The following LMO1 variants were observed in gnomAD, a reference collection of about 807,000 sequenced individuals.
The protein encoded by LMO1 is rhombotin-1.
In LMO1, 10 loss-of-function variants were observed where a neutral mutation model predicts 18.0. That is an observed-to-expected ratio of 0.55 (90% CI 0.34 to 0.94). LMO1 has a LOEUF of 0.94. Ranked by LOEUF, LMO1 falls within the 40% of genes least tolerant of loss-of-function variation. The pLI is 0.02. For missense variants in LMO1, 183 were observed against 205.7 expected, an observed-to-expected ratio of 0.89 and a Z score of 0.68; for synonymous variants, 77 against 77.9, an observed-to-expected ratio of 0.99 and a Z score of 0.06.
intron 1 of LMO1, among the ~76,000 whole-genome samples, chr11:8,235,956 T>C (rs183767465): frequency 6.6e-6 from 1 of 152,286 alleles, no homozygotes; most frequent in East Asian, 1.9e-4. Context: ...AACGAACTGA[T>C]TTGATTGTTC....
chr11:8,224,338 G>C lies in LMO1; in HGVS notation c.*278C>G. 1 of 447,590 alleles carries C rather than the reference G, an allele frequency of 2.2e-6. No individual in the cohort carries two copies. The highest frequency in any genetic ancestry group is 5.9e-4 in the Middle Eastern group (1 of 1,698). The allele number at this position is 447,590 out of a possible 1,614,324, so 27.7% of individuals were successfully genotyped here. The stretch of plus-strand genomic sequence containing the variant: ...GGAAACATTCATAAGTTTAATCCAC[G>C]CCAGTAATAAAATCGCATTACATTT... On this transcript the variant is annotated 3_prime_UTR_variant, in exon 4 of 4. Coordinates refer to ENST00000335790, the MANE Select transcript of LMO1 (RefSeq NM_002315.3).
At position 8,263,720 on chromosome 11, in the gene LMO1, C is replaced by T; in HGVS notation, c.-358G>A. ...AGTATAATCTGTCTTAATGTAATTG[C>T]ATTTGATAGCTCATAACCCTGTCTC... is the stretch of plus-strand genomic sequence containing the variant. On this transcript the variant is annotated 5_prime_UTR_variant, in exon 1 of 4. An upstream start codon of the reference 5' UTR is lost. Transcript: ENST00000335790. The T allele has an allele frequency of 1.8e-6, 2 of 1,132,684 alleles. No homozygotes were observed. The highest frequency in any genetic ancestry group is 8.8e-5 in the East Asian group (2 of 22,712). The allele number at this position is 1,132,684 out of a possible 1,614,324, so 70.2% of individuals were successfully genotyped here. A position where few individuals can be genotyped will look rare whatever the true frequency, so the allele number is the denominator to read the frequency against.
At chr11:8,246,827 C>T (rs985973222) in intron 1 of LMO1, among the ~76,000 whole-genome samples, 2 of 152,066 alleles carry the variant, frequency 1.3e-5, no homozygotes, top group Non-Finnish European at 2.9e-5. Context: ...CAGCTAGAAG[C>T]TGCCAGGTGG....
At chr11:8,238,542 G>C (rs554055462) in intron 1 of LMO1, among the ~76,000 whole-genome samples, 2 of 152,110 alleles carry the variant, frequency 1.3e-5, no homozygotes, top group South Asian at 2.1e-4. Flanking sequence ...GTGGTGGCGG[G>C]TGCCTGTAAT....
In LMO1 at chr11:8,243,310, G is replaced by A. The variant is rs143763366; in HGVS notation, c.26-12806C>T. On this transcript the variant is annotated intron_variant, in intron 1 of 3. Transcript: ENST00000335790. ...CCCCCCGCATGGCTGAGGAGGTTCA[G>A]GGAGCATCCGTAGATGAAGCTGTTT... is the stretch of plus-strand genomic sequence containing the variant. Among the ~76,000 whole-genome samples the A allele has an allele frequency of 8.5e-3, 1,288 of 152,340 alleles. 6 individuals carry two copies. The highest frequency in any genetic ancestry group is 0.027 in the Middle Eastern group (8 of 294).
At chr11:8,257,498 C>T (rs753463362) in intron 1 of LMO1, among the ~76,000 whole-genome samples, 3 of 152,212 alleles carry the variant, frequency 2.0e-5, no homozygotes, top group Non-Finnish European at 4.4e-5. Context: ...GCACGTGGTC[C>T]GTGGTCCCAG....
At chr11:8,244,175 A>G (rs951239384) in intron 1 of LMO1, among the ~76,000 whole-genome samples, 7 of 148,426 alleles carry the variant, frequency 4.7e-5, no homozygotes, top group African/African-American at 1.3e-4. Flanking sequence ...GCACCGGGAA[A>G]GGAGGCTGGG....
intron 1 of LMO1, among the ~76,000 whole-genome samples, chr11:8,233,846 C>T (rs1952715142): frequency 6.6e-6 from 1 of 152,136 alleles, no homozygotes; most frequent in East Asian, 1.9e-4. Context: ...CATTTGGGAT[C>T]CATTTTAGTG....
intron 3 of LMO1, among the ~76,000 whole-genome samples, chr11:8,225,871 C>T (rs1159952851): frequency 6.6e-6 from 1 of 152,234 alleles, no homozygotes; most frequent in African/African-American, 2.4e-5. Flanking sequence ...CACTTGTATG[C>T]GTTCCTACCT....
intron 1 of LMO1, among the ~76,000 whole-genome samples, chr11:8,244,677 C>G (rs962532348): frequency 6.6e-6 from 1 of 152,242 alleles, no homozygotes; most frequent in Non-Finnish European, 1.5e-5. Flanking sequence ...CTAACTGAGG[C>G]AGTCATGTGA....
chr11:8,248,181 C>T (rs1387875830), intron 1 of LMO1, among the ~76,000 whole-genome samples: 2 of 152,234 alleles, frequency 1.3e-5, no homozygotes, highest in Non-Finnish European at 2.9e-5. Flanking sequence ...GCTACCCCTG[C>T]AGCAAGCGGT....
intron 2 of LMO1, 71 bp from the exon 3 acceptor site, chr11:8,227,171 C>T: frequency 6.4e-7 from 1 of 1,563,346 alleles, no homozygotes; most frequent in Non-Finnish European, 8.7e-7. Context: ...AAAGGAGTTG[C>T]CTCCATCCAG....
intron 1 of LMO1, among the ~76,000 whole-genome samples, chr11:8,231,268 A>G (rs1952652662): frequency 6.6e-6 from 1 of 152,178 alleles, no homozygotes; most frequent in South Asian, 2.1e-4. Flanking sequence ...CAGCTTCCCA[A>G]CATACACACA....
chr11:8,229,052 C>A (rs1952602379), intron 2 of LMO1, among the ~76,000 whole-genome samples: 1 of 149,586 alleles, frequency 6.7e-6, no homozygotes, highest in South Asian at 2.1e-4. Flanking sequence ...CTACACCTGG[C>A]TAATTTTTTT....
intron 1 of LMO1, among the ~76,000 whole-genome samples, chr11:8,238,479 G>C (rs1410229086): frequency 6.6e-6 from 1 of 152,104 alleles, no homozygotes; most frequent in Non-Finnish European, 1.5e-5. Context: ...AGCCCATCCT[G>C]GCTAACACGG....
chr11:8,261,157 T>G (rs72852577), intron 1 of LMO1, among the ~76,000 whole-genome samples: 9,256 of 152,174 alleles, frequency 0.061, 391 homozygotes, highest in South Asian at 0.17. Context: ...AGGTGGCTGC[T>G]TAGGACACCA....
At chr11:8,236,358 T>C (rs1952760202) in intron 1 of LMO1, among the ~76,000 whole-genome samples, 1 of 151,164 alleles carries the variant, frequency 6.6e-6, no homozygotes, top group Middle Eastern at 3.4e-3. Flanking sequence ...GCCAGGCTAA[T>C]TTTTGGGGGG....
intron 1 of LMO1, among the ~76,000 whole-genome samples, chr11:8,236,133 A>G (rs1239904221): frequency 2.0e-5 from 3 of 152,020 alleles, no homozygotes; most frequent in African/African-American, 4.8e-5. Flanking sequence ...TCAGAGGGTG[A>G]CAGCTCCAGG....
chr11:8,243,017 A>G (rs1403796868), intron 1 of LMO1, among the ~76,000 whole-genome samples: 1 of 152,220 alleles, frequency 6.6e-6, no homozygotes, highest in Non-Finnish European at 1.5e-5. Flanking sequence ...TGAAGCCGCC[A>G]GAGCCCATCT....
Sources: gnomAD v4.1 joint callset for allele counts (sites outside exome capture counted in the v4.1 genomes callset) on GRCh38, gnomAD v4.1.1 for gene constraint, MANE v1.5 for transcripts, NCBI Gene and HGNC (gene_info 2026-07-23, HGNC 2026-07-21) for gene names.